Variants in PAGE2B observed in about 807,000 individuals in gnomAD.
PAGE2B encodes PAGE family member 2B, also known as putative G antigen family E member 3.
Under a neutral mutation model 7.6 loss-of-function variants are expected in PAGE2B, and 5 were observed. The ratio of observed to expected loss-of-function variants is 0.66; its 90% CI spans 0.34 to 1.38. PAGE2B has a LOEUF of 1.38. Ranked by LOEUF, PAGE2B falls within the 40% of genes most tolerant of loss-of-function variation. The pLI is 0.04. For missense variants in PAGE2B, 70 were observed against 78.4 expected (o/e 0.89, Z 0.41); for synonymous variants, 29 against 26.7 (o/e 1.09, Z -0.27).
chrX:55,040,913 G>A, the PAGE2B span, among the ~76,000 whole-genome samples: 140 of 110,643 alleles, frequency 1.3e-3, no homozygotes, highest in Non-Finnish European at 2.4e-3. Context: ...TCTCTGATAG[G>A]TCTGACCTTC....
chrX:55,049,452 G>T, the PAGE2B span, among the ~76,000 whole-genome samples: 1 of 111,156 alleles, frequency 9.0e-6, no homozygotes, highest in Non-Finnish European at 1.9e-5. Context: ...TTTTTTGGTT[G>T]GTAGGCTATT....
chrX:55,052,982 T>C, the PAGE2B span, among the ~76,000 whole-genome samples: 1 of 112,999 alleles, frequency 8.8e-6, no homozygotes, highest in African/African-American at 3.2e-5. Flanking sequence ...TGATTATTAG[T>C]AGTTATTTTA....
At chrX:55,032,525 A>G in the PAGE2B span, among the ~76,000 whole-genome samples, 1 of 111,223 alleles carries the variant, frequency 9.0e-6, no homozygotes, top group Admixed American at 9.6e-5. Context: ...CTCTGGAGTC[A>G]GACTCACCCA....
the PAGE2B span, among the ~76,000 whole-genome samples, chrX:55,052,738 C>T: frequency 8.9e-6 from 1 of 112,968 alleles, no homozygotes; most frequent in Non-Finnish European, 1.9e-5. Context: ...ATGGGAATTC[C>T]CTGACCCCTT....
At chrX:55,058,645 C>T in the PAGE2B span, among the ~76,000 whole-genome samples, 1 of 111,163 alleles carries the variant, frequency 9.0e-6, no homozygotes, top group East Asian at 2.8e-4. Context: ...TTCTCACAGG[C>T]TAGGCTTGCT....
At chrX:55,067,825 C>T in the PAGE2B span, among the ~76,000 whole-genome samples, 4 of 112,224 alleles carry the variant, frequency 3.6e-5, no homozygotes, top group African/African-American at 6.5e-5. Flanking sequence ...TCTTTTCATA[C>T]GTTTGTTGGC....
the PAGE2B span, among the ~76,000 whole-genome samples, chrX:55,052,394 C>T: frequency 1.8e-5 from 2 of 112,497 alleles, no homozygotes; most frequent in African/African-American, 6.5e-5. Flanking sequence ...TTGTCTGTTC[C>T]CTGCCCCCAG....
the PAGE2B span, among the ~76,000 whole-genome samples, chrX:55,061,889 A>G: frequency 3.6e-5 from 4 of 110,953 alleles, no homozygotes; most frequent in African/African-American, 1.3e-4. Flanking sequence ...TAACATAATG[A>G]CCTCCAGTTC....
At chrX:55,063,326 T>C in the PAGE2B span, among the ~76,000 whole-genome samples, 3 of 111,736 alleles carry the variant, frequency 2.7e-5, no homozygotes, top group African/African-American at 9.7e-5. Flanking sequence ...TTTGTGTATA[T>C]TGTAAATGGG....
the PAGE2B span, among the ~76,000 whole-genome samples, chrX:55,050,208 G>T: frequency 8.9e-6 from 1 of 112,049 alleles, no homozygotes; most frequent in African/African-American, 3.3e-5. Context: ...TACATTTGCT[G>T]AGGAGAGCTT....
the PAGE2B span, among the ~76,000 whole-genome samples, chrX:55,051,926 A>C: frequency 9.0e-6 from 1 of 110,584 alleles, no homozygotes; most frequent in Non-Finnish European, 1.9e-5. Context: ...TGTTTTTTCC[A>C]CATCTTTGTG....
the PAGE2B span, among the ~76,000 whole-genome samples, chrX:55,028,946 C>A: frequency 8.9e-6 from 1 of 111,838 alleles, no homozygotes; most frequent in East Asian, 2.8e-4. Context: ...TGCTGTACAT[C>A]TTATATCTGG....
the PAGE2B span, among the ~76,000 whole-genome samples, chrX:55,049,713 C>T: frequency 9.0e-6 from 1 of 110,743 alleles, no homozygotes; most frequent in African/African-American, 3.3e-5. Context: ...CTTTATTAGT[C>T]TTGCTAGCGG....
the PAGE2B span, among the ~76,000 whole-genome samples, chrX:55,062,685 C>T: frequency 8.9e-6 from 1 of 111,754 alleles, no homozygotes. Context: ...AGTCCAGTGT[C>T]CTAGAGAGGT....
chrX:55,028,795 CTAGAGTGAG>C, the PAGE2B span, among the ~76,000 whole-genome samples: 15 of 111,478 alleles, frequency 1.3e-4, no homozygotes, highest in Admixed American at 6.7e-4. Context: ...TACCAAGAGA[CTAGAGTGAG>C]TAAAATTGAA....
the PAGE2B span, among the ~76,000 whole-genome samples, chrX:55,039,156 C>T: frequency 2.7e-5 from 3 of 111,189 alleles, no homozygotes; most frequent in South Asian, 1.1e-3. Context: ...GGTTACAGCA[C>T]GCAGTTTCAG....
rs1486622856 is a variant in PAGE2B, at chrX:55,076,118, CTGTGAT to C, written c.83_84+4del. On this transcript the variant is annotated inframe_deletion and splice_region_variant, in exon 2 of 5. Transcript: ENST00000374971. ...CAAGAGTCTTCCCAGCCAGTTGGATCTGTGATTGTGAGTCCTTTAACATTTGATGTT... is the reference window on the plus strand; with the variant it reads ...CAAGAGTCTTCCCAGCCAGTTGGATCTGTGAGTCCTTTAACATTTGATGTT... The C allele has an allele frequency of 1.7e-6, 2 of 1,205,308 alleles. No homozygotes were observed. Among genetic ancestry groups the C allele is most frequent in the Non-Finnish European group, 2.2e-6 (2 of 891,032 alleles).
In PAGE2B at chrX:55,076,671, G is replaced by T. The variant is rs1132210; in HGVS notation, c.187G>T (p.Val63Phe). 8.3e-7 allele frequency: 1 copy of T among 1,203,687 alleles called. No homozygotes were observed. Among genetic ancestry groups the T allele is most frequent in the East Asian group, 3.0e-5 (1 of 33,719 alleles). ...GEIENEGAPA[V>F]QGPDMEAFQQ... ...GATCGAAAATGAAGGAGCACCTGCC[G>T]TTCAAGGTGAAGGGAGAGTGGAGAA... is the stretch of plus-strand genomic sequence containing the variant. The change falls in exon 3 of 5, where the codon GTT (valine) becomes TTT (phenylalanine). Residue 63 changes from valine to phenylalanine, a missense_variant. Transcript: ENST00000374971.
At chrX:55,077,789 T>C (rs1206236722) in intron 4 of PAGE2B, among the ~76,000 whole-genome samples, 2 of 112,447 alleles carry the variant, frequency 1.8e-5, no homozygotes, top group Admixed American at 9.4e-5. Context: ...GGAGAAAAAT[T>C]GGGTCAAAGC....
Sources: gnomAD v4.1 joint callset for allele counts (sites outside exome capture counted in the v4.1 genomes callset) on GRCh38, gnomAD v4.1.1 for gene constraint, MANE v1.5 for transcripts, NCBI Gene and HGNC (gene_info 2026-07-23, HGNC 2026-07-21) for gene names.